The following SNX25 variants were observed in gnomAD, a reference collection of about 807,000 sequenced individuals.
The protein encoded by SNX25 is sorting nexin 25.
Under a neutral mutation model 113.7 loss-of-function variants are expected in SNX25, and 62 were observed. That is an observed-to-expected ratio of 0.55 (90% confidence interval 0.44 to 0.67). The LOEUF is 0.67. SNX25 is among the 30% of genes least tolerant of loss of function. The pLI is 0.00. For missense variants in SNX25, 1,014 were observed against 1,161.0 expected, an observed-to-expected ratio of 0.87 and a Z score of 1.84; for synonymous variants, 421 against 436.2, an observed-to-expected ratio of 0.97 and a Z score of 0.43.
At position 185,353,524 on chromosome 4, in the gene SNX25, G is replaced by A; in HGVS notation, c.2506G>A (p.Asp836Asn). 1 of 1,614,198 alleles carries A rather than the reference G, an allele frequency of 6.2e-7. No individual in the cohort carries two copies. The highest frequency in any genetic ancestry group is 8.5e-7 in the Non-Finnish European group (1 of 1,180,024). ...EEDSDLSDYG[D>N]DVDGRKDALA... ...GGACAGTGACCTGTCAGATTATGGT[G>A]ATGATGTGGATGGGAGGAAAGACGC... The change falls in exon 15 of 19, where the codon GAT (aspartate) becomes AAT (asparagine). Residue 836 changes from aspartate to asparagine, a missense_variant. Coordinates refer to ENST00000652585, the MANE Select transcript of SNX25 (RefSeq NM_001378034.2).
At chr4:185,370,908 T>C, downstream of SNX25, 1 of 1,344,900 alleles carries the variant, frequency 7.4e-7, no homozygotes, top group Non-Finnish European at 1.1e-6. Flanking sequence ...GTGCCTGAAG[T>C]GATTTCTCTC....
chr4:185,278,917 G>A (rs907471691), intron 5 of SNX25, among the ~76,000 whole-genome samples: 3 of 152,046 alleles, frequency 2.0e-5, no homozygotes, highest in Admixed American at 6.6e-5. Flanking sequence ...AATGTTTGGC[G>A]TTTTTGAGGT....
At chr4:185,271,488 A>G (rs1461455872) in intron 5 of SNX25, among the ~76,000 whole-genome samples, 1 of 152,134 alleles carries the variant, frequency 6.6e-6, no homozygotes, top group African/African-American at 2.4e-5. Context: ...GCCTCAAGTG[A>G]TCCACTCGCC....
chr4:185,229,100 C>T (rs3112911), intron 1 of SNX25, among the ~76,000 whole-genome samples: 19,633 of 152,124 alleles, frequency 0.13, 1,395 homozygotes, highest in African/African-American at 0.17. Context: ...TAGCAACGCC[C>T]GCGGTGTGGT....
intron 6 of SNX25, among the ~76,000 whole-genome samples, chr4:185,292,429 G>A (rs141019491): frequency 3.3e-4 from 50 of 152,114 alleles, no homozygotes; most frequent in African/African-American, 1.1e-3. Flanking sequence ...ACAGAGTTTC[G>A]CTCTTGTCAC....
chr4:185,332,463 C>T lies in SNX25; in HGVS notation c.1750-132C>T, dbSNP rs532553920. The T allele has an allele frequency of 2.4e-4, 206 of 848,866 alleles. No individual in the cohort carries two copies. In the African/African-American group the frequency reaches 3.4e-3, roughly 14 times the overall value. 52.6% of individuals were successfully genotyped at this position (848,866 alleles called of 1,614,324 possible). A position where few individuals can be genotyped will look rare whatever the true frequency, so the allele number is the denominator to read the frequency against. On this transcript the variant is annotated intron_variant, in intron 9 of 18. Coordinates refer to ENST00000652585, the MANE Select transcript of SNX25 (RefSeq NM_001378034.2). ...GATTTTTCTCTTTGCTGAGAAAAAG[C>T]AGTCTAAATTTTCTACTTTAGTATT...
At chr4:185,270,181 G>C (rs904785139) in intron 5 of SNX25, among the ~76,000 whole-genome samples, 2 of 151,888 alleles carry the variant, frequency 1.3e-5, no homozygotes, top group Non-Finnish European at 2.9e-5. Context: ...GCGAAACCCC[G>C]TCTCTACAAT....
intron 9 of SNX25, among the ~76,000 whole-genome samples, chr4:185,332,321 T>C (rs766574945): frequency 2.0e-4 from 31 of 152,186 alleles, no homozygotes; most frequent in Non-Finnish European, 4.4e-4. Context: ...CTATGCAGAT[T>C]TCCTTAGAGG....
At chr4:185,257,435 G>A (rs1746620515) in intron 2 of SNX25, among the ~76,000 whole-genome samples, 2 of 152,062 alleles carry the variant, frequency 1.3e-5, no homozygotes. Flanking sequence ...CGGCTATAGA[G>A]CACCCCAAAT....
downstream of SNX25, chr4:185,374,098 A>G (rs2095425165): frequency 6.5e-7 from 1 of 1,528,534 alleles, no homozygotes; most frequent in African/African-American, 1.4e-5. Flanking sequence ...ATATTAATCT[A>G]AATATAACAC....
At chr4:185,305,040 A>T (rs552800267) in intron 6 of SNX25, among the ~76,000 whole-genome samples, 24 of 152,260 alleles carry the variant, frequency 1.6e-4, no homozygotes, top group Non-Finnish European at 3.1e-4. Context: ...TTAGAGGAGC[A>T]GGTTGTACCT....
chr4:185,285,530 C>G (rs1409402645), intron 5 of SNX25, among the ~76,000 whole-genome samples: 1 of 152,112 alleles, frequency 6.6e-6, no homozygotes, highest in Non-Finnish European at 1.5e-5. Context: ...ATGATAAATA[C>G]TTGAGATTGG....
At chr4:185,221,882 C>T (rs972458787) in intron 1 of SNX25, among the ~76,000 whole-genome samples, 13 of 152,062 alleles carry the variant, frequency 8.5e-5, no homozygotes, top group Non-Finnish European at 1.5e-4. Context: ...GAAGCTTTTC[C>T]TATCTTTCAA....
the SNX25 span, chr4:185,378,621 A>T: frequency 2.0e-6 from 2 of 989,908 alleles, no homozygotes; most frequent in Non-Finnish European, 2.4e-6. Context: ...TCCATTTCAA[A>T]TTAAAGCACT....
intron 7 of SNX25, among the ~76,000 whole-genome samples, chr4:185,315,091 G>T (rs1302382790): frequency 6.6e-6 from 1 of 150,766 alleles, no homozygotes; most frequent in Admixed American, 6.6e-5. Flanking sequence ...AGCCGGGCGC[G>T]GTGGTGGGCG....
rs3047488 is a variant in SNX25, at chr4:185,360,930, A to AATATATATATATATATATATAT, written c.2652-992_2652-971dup. On this transcript the variant is annotated intron_variant, in intron 16 of 18. Coordinates refer to ENST00000652585, the MANE Select transcript of SNX25 (RefSeq NM_001378034.2). ...CGAGACTCCGTCTCAAAAAAAAAATAATATATATATATATATATATATAGA... is the reference window on the plus strand; with the variant it reads ...CGAGACTCCGTCTCAAAAAAAAAATAATATATATATATATATATATATATATATATATATATATATATATAGA... Among the ~76,000 whole-genome samples the AATATATATATATATATATATAT allele has an allele frequency of 3.2e-3, 453 of 139,436 alleles. 5 individuals are homozygous for AATATATATATATATATATATAT. Among genetic ancestry groups the AATATATATATATATATATATAT allele is most frequent in the African/African-American group, 0.012 (437 of 36,520 alleles). 91.5% of individuals were successfully genotyped at this position (139,436 alleles called of 152,430 possible). A position where few individuals can be genotyped will look rare whatever the true frequency, so the allele number is the denominator to read the frequency against.
intron 2 of SNX25, among the ~76,000 whole-genome samples, chr4:185,257,668 TA>T (rs1401196785): frequency 6.6e-6 from 1 of 152,230 alleles, no homozygotes; most frequent in African/African-American, 2.4e-5. Flanking sequence ...TCTTATTTTT[TA>T]TGAGCTTTTT....
chr4:185,320,615 T>G, intron 7 of SNX25, 118 bp from the exon 8 acceptor site: 1 of 662,854 alleles, frequency 1.5e-6, no homozygotes, highest in African/African-American at 1.8e-5. Flanking sequence ...AAATTTTACT[T>G]TATTCCTTTA....
chr4:185,258,713 T>G, intron 2 of SNX25, 135 bp from the exon 3 acceptor site: 2 of 668,614 alleles, frequency 3.0e-6, no homozygotes, highest in Non-Finnish European at 5.0e-6. Flanking sequence ...GGAATTCTCA[T>G]GAGTTCTGTT....
Sources: allele counts gnomAD v4.1 joint callset (sites outside exome capture counted in the v4.1 genomes callset), GRCh38; gene constraint gnomAD v4.1.1; transcripts MANE v1.5; gene names NCBI Gene and HGNC (gene_info 2026-07-23, HGNC 2026-07-21).